RANBP17: variants seen among roughly 807,000 people sequenced by gnomAD.
RANBP17 encodes the protein ran-binding protein 17.
Under a neutral mutation model 141.2 loss-of-function variants are expected in RANBP17, and 158 were observed. That is an observed-to-expected ratio of 1.12 (90% CI 0.98 to 1.28). The LOEUF (loss-of-function observed/expected upper bound fraction) is 1.28. RANBP17 is among the 50% of genes most tolerant of loss of function. The probability of loss-of-function intolerance (pLI) is 0.00; values close to 1 mark genes in which losing one functional copy is unlikely to be tolerated. For missense variants in RANBP17, 1,438 were observed against 1,290.7 expected, an observed-to-expected ratio of 1.11 and a Z score of -1.75; for synonymous variants, 430 against 450.0, an observed-to-expected ratio of 0.96 and a Z score of 0.56.
intron 14 of RANBP17, among the ~76,000 whole-genome samples, chr5:171,114,401 C>T (rs888295891): frequency 6.6e-6 from 1 of 152,048 alleles, no homozygotes; most frequent in Non-Finnish European, 1.5e-5. Context: ...TGTTTACCTG[C>T]TCCAGGAGCT....
chr5:170,992,480 A>T (rs1272058878), intron 14 of RANBP17, among the ~76,000 whole-genome samples: 1 of 152,012 alleles, frequency 6.6e-6, no homozygotes, highest in Non-Finnish European at 1.5e-5. Flanking sequence ...TGAATACTGT[A>T]CTACCTTAAA....
rs185630558 is a variant in RANBP17, at chr5:171,242,870, C to T, written c.2776+50C>T. 1.6e-4 allele frequency: 244 copies of T among 1,533,786 alleles called. No homozygotes were observed. In the African/African-American group the frequency reaches 3.1e-3, roughly 19 times the overall value. ...TCCATAGGAAAAACTTGATTATGGG[C>T]TTTTAATGTATGTGATTATTGAGAC... On this transcript the variant is annotated intron_variant, in intron 24 of 27. Transcript: ENST00000523189.
chr5:171,070,470 T>G (rs537065300), intron 14 of RANBP17, among the ~76,000 whole-genome samples: 1 of 152,262 alleles, frequency 6.6e-6, no homozygotes, highest in Non-Finnish European at 1.5e-5. Context: ...TTCTTCATCT[T>G]TTTTGGATCA....
At chr5:171,091,603 G>A (rs753523091) in intron 14 of RANBP17, among the ~76,000 whole-genome samples, 3 of 152,190 alleles carry the variant, frequency 2.0e-5, no homozygotes, top group African/African-American at 4.8e-5. Context: ...TGGTTTGGCT[G>A]TGTCCCCACC....
At chr5:171,185,355 T>C (rs941084815) in intron 18 of RANBP17, among the ~76,000 whole-genome samples, 4 of 152,188 alleles carry the variant, frequency 2.6e-5, no homozygotes, top group Non-Finnish European at 4.4e-5. Context: ...ACAATGAAAT[T>C]TGCTGCATCA....
At chr5:171,258,810 TGA>T (rs1766093114) in intron 24 of RANBP17, among the ~76,000 whole-genome samples, 2 of 152,258 alleles carry the variant, frequency 1.3e-5, no homozygotes, top group South Asian at 4.2e-4. Flanking sequence ...TTCTGAACAT[TGA>T]TCTAGGCAAA....
intron 14 of RANBP17, among the ~76,000 whole-genome samples, chr5:171,079,740 A>G (rs1289840374): frequency 6.6e-6 from 1 of 152,226 alleles, no homozygotes; most frequent in Non-Finnish European, 1.5e-5. Context: ...TTTTAGACAT[A>G]GTGTGATTGC....
intron 14 of RANBP17, among the ~76,000 whole-genome samples, chr5:171,020,332 C>T (rs944662207): frequency 1.3e-5 from 2 of 152,104 alleles, no homozygotes; most frequent in Non-Finnish European, 2.9e-5. Context: ...TGTTAATTTT[C>T]TGTCTTGTTG....
At chr5:170,869,533 A>G (rs145861237) in intron 1 of RANBP17, among the ~76,000 whole-genome samples, 1 of 152,288 alleles carries the variant, frequency 6.6e-6, no homozygotes, top group Non-Finnish European at 1.5e-5. Context: ...GCCCTGAAGG[A>G]GAAACCATTT....
chr5:171,271,410 T>G (rs1291228083), intron 25 of RANBP17: 1 of 209,786 alleles, frequency 4.8e-6, no homozygotes, highest in Non-Finnish European at 9.7e-6. Context: ...CATTCCATAA[T>G]ACTGAGTAGG....
intron 3 of RANBP17, among the ~76,000 whole-genome samples, chr5:170,889,577 A>G (rs1027128782): frequency 6.6e-6 from 1 of 152,212 alleles, no homozygotes. Flanking sequence ...TAATAGCAGT[A>G]TCTTCACATT....
intron 4 of RANBP17, among the ~76,000 whole-genome samples, chr5:170,894,568 A>G (rs1769949834): frequency 6.7e-6 from 1 of 148,954 alleles, no homozygotes; most frequent in East Asian, 2.0e-4. Flanking sequence ...TTAGTTTTCT[A>G]GAATATTATC....
intron 14 of RANBP17, among the ~76,000 whole-genome samples, chr5:171,031,423 G>A (rs1052427360): frequency 6.6e-6 from 1 of 151,986 alleles, no homozygotes; most frequent in African/African-American, 2.4e-5. Flanking sequence ...AGAGCATACT[G>A]CTGACCCCAC....
chr5:170,941,069 A>G (rs1774288825), intron 12 of RANBP17, among the ~76,000 whole-genome samples: 2 of 152,310 alleles, frequency 1.3e-5, no homozygotes, highest in South Asian at 4.1e-4. Flanking sequence ...GAGTTAACAC[A>G]TAATACAGAA....
In RANBP17 at chr5:171,154,098, G is replaced by GT. The variant is rs70982325; in HGVS notation, c.1711-16011dup. ...GAAATCTAAATAACAGTTCACTTTAGTTTTTTTTTTTTTTTTTTTTTAACC... is the reference window on the plus strand; with the variant it reads ...GAAATCTAAATAACAGTTCACTTTAGTTTTTTTTTTTTTTTTTTTTTTAACC... On this transcript the variant is annotated intron_variant, in intron 14 of 27. Coordinates refer to ENST00000523189, the MANE Select transcript of RANBP17 (RefSeq NM_022897.5). 7.1e-3 allele frequency among the ~76,000 whole-genome samples: 922 copies of GT among 130,210 alleles called. 5 individuals carry two copies. The highest frequency in any genetic ancestry group is 0.014 in the African/African-American group (505 of 35,108). The allele number at this position is 130,210 out of a possible 152,430, so 85.4% of individuals were successfully genotyped here.
At chr5:171,036,656 T>C (rs1480457265) in intron 14 of RANBP17, among the ~76,000 whole-genome samples, 1 of 152,166 alleles carries the variant, frequency 6.6e-6, no homozygotes, top group African/African-American at 2.4e-5. Flanking sequence ...GTACCCACTA[T>C]TTAGCTACCA....
rs532471238 is a variant in RANBP17, at chr5:171,028,041, A to G, written c.1710+59664A>G. Among the ~76,000 whole-genome samples, 4 of 152,180 alleles carry G rather than the reference A, an allele frequency of 2.6e-5. No homozygotes were observed. The East Asian group carries it at 7.7e-4, about 29-fold the overall frequency. On this transcript the variant is annotated intron_variant, in intron 14 of 27. Transcript: ENST00000523189. ...TACATAAGAATTAAGTGATACCCATACATACCAATAACATTGAAATTCCAG... is the reference window on the plus strand; with the variant it reads ...TACATAAGAATTAAGTGATACCCATGCATACCAATAACATTGAAATTCCAG...
chr5:171,088,648 G>A (rs1274135148), intron 14 of RANBP17, among the ~76,000 whole-genome samples: 3 of 152,132 alleles, frequency 2.0e-5, no homozygotes, highest in African/African-American at 4.8e-5. Context: ...ATTTCTTGGA[G>A]GCTTTGCTCC....
chr5:170,901,086 T>G (rs1770596594), intron 5 of RANBP17, among the ~76,000 whole-genome samples: 1 of 152,196 alleles, frequency 6.6e-6, no homozygotes, highest in Admixed American at 6.5e-5. Context: ...TTCTCGTTGA[T>G]CTCTCTGATA....
Sources: allele counts gnomAD v4.1 joint callset (sites outside exome capture counted in the v4.1 genomes callset), GRCh38; gene constraint gnomAD v4.1.1; transcripts MANE v1.5; gene names NCBI Gene and HGNC (gene_info 2026-07-23, HGNC 2026-07-21).